Variants in OPCML observed in about 807,000 individuals in gnomAD.
OPCML encodes opioid binding protein/cell adhesion molecule like.
In OPCML, 13 loss-of-function variants were observed where a neutral mutation model predicts 37.8. That is an observed-to-expected ratio of 0.34 (90% CI 0.22 to 0.55). The LOEUF (loss-of-function observed/expected upper bound fraction) is 0.55. OPCML is among the 20% of genes least tolerant of loss of function. The probability of loss-of-function intolerance (pLI) is 0.91; values close to 1 mark genes in which losing one functional copy is unlikely to be tolerated. For synonymous variants in OPCML, 176 were observed against 168.8 expected (o/e 1.04, Z -0.33); for missense variants, 341 against 435.6 (o/e 0.78, Z 1.93).
Position 133,004,224 on chromosome 11 carries a change from A to C in OPCML, c.62-61214T>G, listed in dbSNP as rs188547031. 88 of 985,422 alleles carry C rather than the reference A, an allele frequency of 8.9e-5. No homozygotes were observed. In the African/African-American group the frequency reaches 1.5e-3, roughly 16 times the overall value. The allele number at this position is 985,422 out of a possible 1,614,324, so 61.0% of individuals were successfully genotyped here. A position where few individuals can be genotyped will look rare whatever the true frequency, so the allele number is the denominator to read the frequency against. ...CTGCCTTGCCTGAGAGTCACTTTCC[A>C]TTGCCAGTGCCCCTGGGGACGTAAC... On this transcript the variant is annotated intron_variant, in intron 1 of 7. Transcript: ENST00000524381.
Position 133,160,924 on chromosome 11 carries a change from G to A in OPCML, c.62-217914C>T, listed in dbSNP as rs959361370. 3.3e-5 allele frequency among the ~76,000 whole-genome samples: 5 copies of A among 152,366 alleles called. No individual in the cohort carries two copies. In the South Asian group the frequency reaches 6.2e-4, roughly 19 times the overall value. ...CACCACGTGGCTGCTTACTGAGCAA[G>A]CAGGCTGCCATGTTCTGCACGGTGT... is the stretch of plus-strand genomic sequence containing the variant. On this transcript the variant is annotated intron_variant, in intron 1 of 7. Transcript: ENST00000524381.
At chr11:132,905,612 T>C (rs930742729) in intron 2 of OPCML, among the ~76,000 whole-genome samples, 4 of 151,956 alleles carry the variant, frequency 2.6e-5, no homozygotes, top group Non-Finnish European at 5.9e-5. Context: ...AGGCTGAAAA[T>C]ACATGGGACA....
chr11:132,890,768 A>G (rs761539405), intron 2 of OPCML, among the ~76,000 whole-genome samples: 12 of 150,798 alleles, frequency 8.0e-5, no homozygotes, highest in Non-Finnish European at 1.6e-4. Context: ...GAGGCAGAAG[A>G]ATGGCGTGAC....
At chr11:132,657,720 C>T (rs570137501) in intron 2 of OPCML, among the ~76,000 whole-genome samples, 1 of 152,228 alleles carries the variant, frequency 6.6e-6, no homozygotes, top group African/African-American at 2.4e-5. Context: ...ACAGATAACC[C>T]ACAAAGCAAA....
intron 1 of OPCML, among the ~76,000 whole-genome samples, chr11:133,133,172 A>C (rs527522419): frequency 6.6e-6 from 1 of 152,294 alleles, no homozygotes; most frequent in African/African-American, 2.4e-5. Context: ...TCAGGGCTGA[A>C]GTGGAATCAG....
chr11:133,190,429 CTT>C (rs1347472793), intron 1 of OPCML, among the ~76,000 whole-genome samples: 8 of 152,212 alleles, frequency 5.3e-5, no homozygotes, highest in African/African-American at 1.9e-4. Flanking sequence ...CTCCCTCTCT[CTT>C]TCTCTTCCTA....
chr11:132,975,631 A>ATT (rs1946447256), intron 1 of OPCML, among the ~76,000 whole-genome samples: 1 of 136,326 alleles, frequency 7.3e-6, no homozygotes, highest in Non-Finnish European at 1.5e-5. Context: ...TGTAAAATCT[A>ATT]TTTTTCTGGA....
Position 133,338,670 on chromosome 11 carries a change from A to G in OPCML, c.61+193594T>C, listed in dbSNP as rs958245446. ...GTTGAAATGATGGAGAGAAAGCTCA[A>G]AAAGGTGCCTCATTCTAGCCTGCCA... On this transcript the variant is annotated intron_variant, in intron 1 of 7. Transcript: ENST00000524381. Among the ~76,000 whole-genome samples the G allele has an allele frequency of 2.2e-4, 33 of 152,324 alleles. 1 individual carries two copies. In the South Asian group the frequency reaches 3.7e-3, roughly 17 times the overall value.
At chr11:133,523,574 C>G (rs927587752) in intron 1 of OPCML, among the ~76,000 whole-genome samples, 2 of 152,174 alleles carry the variant, frequency 1.3e-5, no homozygotes, top group African/African-American at 4.8e-5. Context: ...GCAACAAGAA[C>G]AAGAATAAAA....
At chr11:132,572,913 T>A (rs1018210258) in intron 3 of OPCML, among the ~76,000 whole-genome samples, 9 of 151,968 alleles carry the variant, frequency 5.9e-5, no homozygotes, top group Non-Finnish European at 1.5e-5. Context: ...TTGGGTCTTA[T>A]TGAATTTCAT....
intron 1 of OPCML, among the ~76,000 whole-genome samples, chr11:133,488,927 T>C (rs1006115829): frequency 9.5e-6 from 1 of 105,396 alleles, no homozygotes; most frequent in Non-Finnish European, 1.7e-5. Flanking sequence ...CCAAAAGCCA[T>C]GTACCTGCAA....
In OPCML at chr11:133,006,946, T is replaced by A. The variant is rs936003767; in HGVS notation, c.62-63936A>T. ...TTGTGGCATAAGCAGGAGGCCTACC[T>A]AATAAATGTCTGCAAAATACCTGAA... On this transcript the variant is annotated intron_variant, in intron 1 of 7. Coordinates refer to ENST00000524381, the MANE Select transcript of OPCML (RefSeq NM_001012393.5). 4.1e-6 allele frequency: 4 copies of A among 985,350 alleles called. No individual in the cohort carries two copies. In the African/African-American group the frequency reaches 7.0e-5, roughly 17 times the overall value. 61.0% of individuals were successfully genotyped at this position (985,350 alleles called of 1,614,324 possible). A position where few individuals can be genotyped will look rare whatever the true frequency, so the allele number is the denominator to read the frequency against.
At chr11:133,139,321 C>T (rs1252631177) in intron 1 of OPCML, among the ~76,000 whole-genome samples, 5 of 152,180 alleles carry the variant, frequency 3.3e-5, no homozygotes, top group African/African-American at 1.2e-4. Flanking sequence ...CACCAGAAAC[C>T]ATTCTAAGTG....
intron 1 of OPCML, among the ~76,000 whole-genome samples, chr11:133,525,500 C>T (rs922784711): frequency 1.3e-5 from 2 of 152,168 alleles, no homozygotes; most frequent in African/African-American, 2.4e-5. Context: ...TAAAGTCAAC[C>T]GGAAGTCTAC....
Position 133,206,963 on chromosome 11 carries a change from A to G in OPCML, c.62-263953T>C, listed in dbSNP as rs1425523668. Reference sequence around the variant, plus strand: ...CAGATGTTGCTCCTGAAATGCACTCACGTGATCTCTCAGAGGAACGCCATA... The same window carrying G: ...CAGATGTTGCTCCTGAAATGCACTCGCGTGATCTCTCAGAGGAACGCCATA... On this transcript the variant is annotated intron_variant, in intron 1 of 7. Coordinates refer to ENST00000524381, the MANE Select transcript of OPCML (RefSeq NM_001012393.5). The surrounding 1 kb of genome is among the most constrained non-coding windows in gnomAD (Gnocchi z 4.7). Among the ~76,000 whole-genome samples the G allele has an allele frequency of 2.0e-5, 3 of 152,006 alleles. No individual in the cohort carries two copies. Among genetic ancestry groups the G allele is most frequent in the Non-Finnish European group, 4.4e-5 (3 of 68,010 alleles).
At chr11:132,538,404 G>A (rs756780284) in intron 3 of OPCML, among the ~76,000 whole-genome samples, 3 of 152,178 alleles carry the variant, frequency 2.0e-5, no homozygotes, top group Non-Finnish European at 4.4e-5. Flanking sequence ...GAGCTAGGGA[G>A]AGAGATAAAT....
chr11:132,887,489 G>A lies in OPCML; in HGVS notation c.146+55437C>T, dbSNP rs962403358. Among the ~76,000 whole-genome samples the A allele has an allele frequency of 3.9e-5, 6 of 152,188 alleles. No individual in the cohort carries two copies. In the South Asian group the frequency reaches 1.0e-3, roughly 26 times the overall value. The stretch of plus-strand genomic sequence containing the variant: ...TCCCAAGCTATTTTGCACTCACCCC[G>A]AAGATGGGGCCTGACCGAGTACAAT... On this transcript the variant is annotated intron_variant, in intron 2 of 7. Transcript: ENST00000524381.
chr11:133,017,759 A>G (rs1272007004), intron 1 of OPCML, among the ~76,000 whole-genome samples: 1 of 152,218 alleles, frequency 6.6e-6, no homozygotes, highest in East Asian at 1.9e-4. Flanking sequence ...CTCAAATTCC[A>G]GCAGAAAGCT....
intron 2 of OPCML, among the ~76,000 whole-genome samples, chr11:132,899,763 T>G (rs993199308): frequency 2.6e-5 from 4 of 152,066 alleles, no homozygotes; most frequent in Admixed American, 6.5e-5. Context: ...CCTCACTGTA[T>G]GTGGGCACCA....
Sources: gnomAD v4.1 joint callset for allele counts (sites outside exome capture counted in the v4.1 genomes callset) on GRCh38, gnomAD v4.1.1 for gene constraint, Gnocchi (gnomAD v3.1) non-coding constraint, MANE v1.5 for transcripts, NCBI Gene and HGNC (gene_info 2026-07-23, HGNC 2026-07-21) for gene names.